The following SP140 variants were observed in gnomAD, a reference collection of about 807,000 sequenced individuals.
SP140 encodes SP140 nuclear body protein.
Under a neutral mutation model 125.0 loss-of-function variants are expected in SP140, and 81 were observed. The observed-to-expected ratio is 0.65, with a 90% CI of 0.54 to 0.78. SP140 has a LOEUF of 0.78. Ranked by LOEUF, SP140 falls within the 30% of genes least tolerant of loss-of-function variation. The pLI, the probability that SP140 is intolerant of heterozygous loss-of-function variation, is 0.00. For synonymous variants in SP140, 312 were observed against 354.0 expected, an observed-to-expected ratio of 0.88 and a Z score of 1.33; for missense variants, 858 against 1,037.0, an observed-to-expected ratio of 0.83 and a Z score of 2.37.
intron 23 of SP140, 57 bp downstream of exon 23, chr2:230,310,096 T>C (rs1478039853): frequency 1.3e-6 from 2 of 1,539,618 alleles, no homozygotes; most frequent in Admixed American, 3.4e-5. Context: ...CCACCTGCCA[T>C]GCGCACTCTC....
intron 22 of SP140, among the ~76,000 whole-genome samples, chr2:230,305,911 C>T (rs966783131): frequency 2.6e-5 from 4 of 152,216 alleles, no homozygotes; most frequent in African/African-American, 4.8e-5. Flanking sequence ...ACTGGGGAGG[C>T]AATCCGGTCC....
At chr2:230,303,280 C>T (rs1004779295) in intron 22 of SP140, among the ~76,000 whole-genome samples, 5 of 152,190 alleles carry the variant, frequency 3.3e-5, no homozygotes, top group East Asian at 1.9e-4. Flanking sequence ...CTATGAACAC[C>T]TTTATGCACA....
chr2:230,194,732 T>A, the SP140 span, among the ~76,000 whole-genome samples: 116,231 of 152,162 alleles, frequency 0.76, 44,515 homozygotes, highest in Admixed American at 0.83. Flanking sequence ...GATTTAGGTT[T>A]CTTGTGTCTA....
At chr2:230,313,610 A>G (rs971701075), downstream of SP140, among the ~76,000 whole-genome samples, 1 of 152,222 alleles carries the variant, frequency 6.6e-6, no homozygotes, top group Non-Finnish European at 1.5e-5. Flanking sequence ...CTTCTGAGCG[A>G]ACCCTCACCA....
intron 3 of SP140, chr2:230,238,681 T>A (rs1574937936): frequency 8.9e-7 from 1 of 1,123,906 alleles, no homozygotes; most frequent in East Asian, 2.6e-5. Context: ...ACATGAGTGA[T>A]GTCTTTTCAT....
chr2:230,247,987 G>T lies in SP140; in HGVS notation c.814G>T (p.Glu272Ter), dbSNP rs765116848. Residue 272 changes from glutamate (E) to a stop codon, truncating the protein, a stop_gained, in exon 8 of 27, where the codon GAG becomes TAG. Transcript: ENST00000392045. LOFTEE classifies it high-confidence loss of function. ...STAPGEKQGE[E>*]EGRNSPRKRN... ...AGCACCAGGGGAGAAACAGGGAGAG[G>T]AGGAAGGCAGGAACAGTCCCAGAAA... 1 of 1,613,822 alleles carries T rather than the reference G, an allele frequency of 6.2e-7. No homozygotes were observed. Among genetic ancestry groups the T allele is most frequent in the African/African-American group, 1.3e-5 (1 of 74,898 alleles).
rs143101873 is a variant in SP140, at chr2:230,291,719, T to C, written c.1826-927T>C. Among the ~76,000 whole-genome samples the C allele has an allele frequency of 5.4e-3, 818 of 152,370 alleles. 12 individuals carry two copies. The highest frequency in any genetic ancestry group is 0.019 in the African/African-American group (783 of 41,584). ...ATTATAAATAATGCTGTTCTGAACA[T>C]TTGTGTAACAAGTTTTGTGTGAACA... On this transcript the variant is annotated intron_variant, in intron 19 of 26. Transcript: ENST00000392045.
At chr2:230,275,319 G>A (rs1189018705) in intron 15 of SP140, among the ~76,000 whole-genome samples, 1 of 152,054 alleles carries the variant, frequency 6.6e-6, no homozygotes, top group African/African-American at 2.4e-5. Flanking sequence ...AAAAAAGTCT[G>A]TTGGTGCCCT....
chr2:230,267,865 G>A (rs1158335538), intron 12 of SP140, among the ~76,000 whole-genome samples: 1 of 152,178 alleles, frequency 6.6e-6, no homozygotes, highest in Admixed American at 6.5e-5. Context: ...AAATTGACAA[G>A]ACACTAGGTG....
chr2:230,273,855 CTG>C (rs925666428), intron 15 of SP140, among the ~76,000 whole-genome samples: 1 of 152,112 alleles, frequency 6.6e-6, no homozygotes, highest in Non-Finnish European at 1.5e-5. Context: ...GAACAGAAAA[CTG>C]AACACCACAT....
At chr2:230,226,559 A>G (rs1395797278) in intron 1 of SP140, among the ~76,000 whole-genome samples, 1 of 152,142 alleles carries the variant, frequency 6.6e-6, no homozygotes. Context: ...ATGTAAGACA[A>G]TGAGACCAGT....
upstream of SP140, among the ~76,000 whole-genome samples, chr2:230,223,920 C>T (rs904477648): frequency 2.4e-4 from 36 of 152,338 alleles, no homozygotes; most frequent in African/African-American, 7.5e-4. Flanking sequence ...AGCCAGGAGG[C>T]AGGCCGGAGC....
chr2:230,286,300 T>C lies in SP140; in HGVS notation c.1645+468T>C, dbSNP rs116018692. ...TGACCTAGTATTAAACTACAATGTC[T>C]TCCCCAGTTTAAAGCACCTTCGCTT... On this transcript the variant is annotated intron_variant, in intron 17 of 26. Transcript: ENST00000392045. Among the ~76,000 whole-genome samples the C allele has an allele frequency of 2.9e-3, 440 of 152,340 alleles. 3 individuals are homozygous for C. The highest frequency in any genetic ancestry group is 8.0e-3 in the African/African-American group (334 of 41,578).
chr2:230,257,388 A>G (rs781076904), intron 12 of SP140, among the ~76,000 whole-genome samples: 137 of 151,970 alleles, frequency 9.0e-4, no homozygotes, highest in Non-Finnish European at 1.8e-3. Context: ...AAGGGAGAGG[A>G]GATGTTAAGA....
chr2:230,226,578 C>T (rs989148844), intron 1 of SP140, among the ~76,000 whole-genome samples: 1 of 151,982 alleles, frequency 6.6e-6, no homozygotes, highest in Admixed American at 6.6e-5. Flanking sequence ...GTCTGACCAA[C>T]GTGGAGAAAC....
At chr2:230,269,714 A>G (rs2053636013) in intron 13 of SP140, 96 bp downstream of exon 13, 2 of 1,059,764 alleles carry the variant, frequency 1.9e-6, no homozygotes, top group Admixed American at 4.2e-5. Flanking sequence ...GTCAAATATA[A>G]GGAGGAGCAG....
At chr2:230,273,306 G>A (rs756394536) in intron 15 of SP140, among the ~76,000 whole-genome samples, 2 of 152,108 alleles carry the variant, frequency 1.3e-5, no homozygotes, top group African/African-American at 4.8e-5. Flanking sequence ...AACTTTTCAA[G>A]AGAAGACATA....
chr2:230,262,428 T>A (rs1033016909), intron 12 of SP140, among the ~76,000 whole-genome samples: 10 of 152,204 alleles, frequency 6.6e-5, no homozygotes, highest in Non-Finnish European at 1.2e-4. Flanking sequence ...GTATTTTTTT[T>A]ATTTCAATTT....
At chr2:230,238,876 G>T (rs191029849) in intron 3 of SP140, 11 of 1,551,996 alleles carry the variant, frequency 7.1e-6, no homozygotes, top group African/African-American at 5.5e-5. Context: ...GCATGTGAAA[G>T]CTATGAAGAC....
Sources: allele counts gnomAD v4.1 joint callset (sites outside exome capture counted in the v4.1 genomes callset), GRCh38; gene constraint gnomAD v4.1.1; transcripts MANE v1.5; gene names NCBI Gene and HGNC (gene_info 2026-07-23, HGNC 2026-07-21).